The following ALG14 variants were observed in gnomAD, a reference collection of about 807,000 sequenced individuals.
ALG14 encodes ALG14 UDP-N-acetylglucosaminyltransferase subunit, also known as UDP-N-acetylglucosamine transferase subunit ALG14.
Under a neutral mutation model 22.8 loss-of-function variants are expected in ALG14, and 17 were observed. That is an observed-to-expected ratio of 0.75 (90% CI 0.51 to 1.12). The LOEUF (loss-of-function observed/expected upper bound fraction) is 1.12. ALG14 is among the 50% of genes most tolerant of loss of function. The pLI is 0.00. For synonymous variants in ALG14, 89 were observed against 103.7 expected (o/e 0.86, Z 0.86); for missense variants, 288 against 271.8 (o/e 1.06, Z -0.42).
chr1:95,072,637 A>C (rs1675604532), intron 1 of ALG14, 126 bp downstream of exon 1: 1 of 1,376,838 alleles, frequency 7.3e-7, no homozygotes, highest in South Asian at 1.5e-5. Context: ...GGCAAGGCAG[A>C]GAAACTACAA....
At chr1:95,055,400 A>T (rs1674890923) in intron 2 of ALG14, among the ~76,000 whole-genome samples, 1 of 152,170 alleles carries the variant, frequency 6.6e-6, no homozygotes, top group African/African-American at 2.4e-5. Flanking sequence ...GGAAAATGTC[A>T]CTAAAAGATA....
chr1:95,041,750 G>A (rs1674387890), intron 2 of ALG14: 1 of 152,162 alleles, frequency 6.6e-6, no homozygotes, highest in African/African-American at 2.4e-5. Flanking sequence ...TCCACTGTGC[G>A]AAGTTAGCAC....
chr1:94,988,537 A>G (rs1326452849), intron 3 of ALG14, among the ~76,000 whole-genome samples: 5 of 152,130 alleles, frequency 3.3e-5, no homozygotes, highest in African/African-American at 1.2e-4. Context: ...ATGCTGTGGG[A>G]GAGGGGAGCT....
chr1:95,015,195 G>A (rs1031843411), intron 3 of ALG14, among the ~76,000 whole-genome samples: 10 of 152,178 alleles, frequency 6.6e-5, no homozygotes, highest in African/African-American at 9.7e-5. Flanking sequence ...AGCTGAGGAC[G>A]AGATATTTAA....
chr1:95,025,271 G>A (rs775050462), intron 3 of ALG14, among the ~76,000 whole-genome samples: 6 of 152,188 alleles, frequency 3.9e-5, no homozygotes, highest in Non-Finnish European at 7.3e-5. Context: ...TTGAAAGGAA[G>A]CTTTGTCTCT....
At chr1:95,034,243 C>T (rs1296357602) in intron 2 of ALG14, among the ~76,000 whole-genome samples, 1 of 152,220 alleles carries the variant, frequency 6.6e-6, no homozygotes, top group African/African-American at 2.4e-5. Context: ...ACCACACTGT[C>T]TTGTTTTACC....
intron 2 of ALG14, among the ~76,000 whole-genome samples, chr1:95,047,542 C>T (rs980596222): frequency 3.3e-5 from 5 of 152,114 alleles, no homozygotes; most frequent in African/African-American, 7.2e-5. Flanking sequence ...CGGGGTTTCA[C>T]CATGTTGGCC....
chr1:95,062,939 C>A (rs972990878), intron 2 of ALG14, among the ~76,000 whole-genome samples: 37 of 152,186 alleles, frequency 2.4e-4, no homozygotes, highest in African/African-American at 8.9e-4. Context: ...ATTCCTTTTT[C>A]TCCACAACCT....
At chr1:95,024,272 C>T (rs571875071) in intron 3 of ALG14, among the ~76,000 whole-genome samples, 3 of 152,230 alleles carry the variant, frequency 2.0e-5, no homozygotes, top group East Asian at 3.9e-4. Context: ...CGACCGCGCC[C>T]GGCCTTTTAA....
rs539026335 is a variant in ALG14, at chr1:94,988,923, G to A, written c.421-5617C>T. 8.4e-4 allele frequency among the ~76,000 whole-genome samples: 128 copies of A among 152,084 alleles called. 1 individual carries two copies. The highest frequency in any genetic ancestry group is 3.2e-3 in the Admixed American group (49 of 15,274). ...TTTGGTGTATTCTCTTCTAACTTAC[G>A]TCTTTGTATATATTTATACTCTAAT... On this transcript the variant is annotated intron_variant, in intron 3 of 3. Transcript: ENST00000370205.
At chr1:94,992,098 T>A (rs545562823) in intron 3 of ALG14, among the ~76,000 whole-genome samples, 89 of 152,200 alleles carry the variant, frequency 5.8e-4, no homozygotes, top group Non-Finnish European at 5.6e-4. Flanking sequence ...CTTTTTTTTT[T>A]AAATAAGTAG....
At chr1:95,060,198 C>T (rs1156954174) in intron 2 of ALG14, among the ~76,000 whole-genome samples, 2 of 151,260 alleles carry the variant, frequency 1.3e-5, no homozygotes, top group Non-Finnish European at 2.9e-5. Flanking sequence ...CCAGTGGTGG[C>T]CAGCAGAAAT....
At position 94,981,808 on chromosome 1, in the gene ALG14, C is replaced by T. The variant is rs970069701; in HGVS notation, c.*1268G>A. ...ACTATTGTACTTCTATTCCAGTAGA[C>T]ATGGCACCACTAGAAACACAGTCTC... On this transcript the variant is annotated 3_prime_UTR_variant, in exon 4 of 4. Coordinates refer to ENST00000370205, the MANE Select transcript of ALG14 (RefSeq NM_144988.4). 2 of 151,610 alleles carry T rather than the reference C, an allele frequency of 1.3e-5. No homozygotes were observed. Among genetic ancestry groups the T allele is most frequent in the African/African-American group, 4.8e-5 (2 of 41,238 alleles). The allele number at this position is 151,610 out of a possible 1,614,324, so 9.4% of individuals were successfully genotyped here. A position where few individuals can be genotyped will look rare whatever the true frequency, so the allele number is the denominator to read the frequency against.
In ALG14 at chr1:94,982,965, T is replaced by C; in HGVS notation, c.*111A>G. ...ATTTTTTATTCCTTACCATCAATAA[T>C]TCTCAGGACTGTCAGACGCCTTTAC... On this transcript the variant is annotated 3_prime_UTR_variant, in exon 4 of 4. Coordinates refer to ENST00000370205, the MANE Select transcript of ALG14 (RefSeq NM_144988.4). 1 of 823,656 alleles carries C rather than the reference T, an allele frequency of 1.2e-6. No individual in the cohort carries two copies. The highest frequency in any genetic ancestry group is 1.9e-6 in the Non-Finnish European group (1 of 514,392). The allele number at this position is 823,656 out of a possible 1,614,324, so 51.0% of individuals were successfully genotyped here.
chr1:95,056,246 T>C (rs1674929991), intron 2 of ALG14, among the ~76,000 whole-genome samples: 1 of 152,194 alleles, frequency 6.6e-6, no homozygotes, highest in Non-Finnish European at 1.5e-5. Context: ...GACTGCTGAA[T>C]AAATGGTGCT....
chr1:95,065,078 C>T (rs1675310171), intron 1 of ALG14, 61 bp from the exon 2 acceptor site: 2 of 1,439,982 alleles, frequency 1.4e-6, no homozygotes, highest in Non-Finnish European at 1.9e-6. Flanking sequence ...TCCATTTGAC[C>T]ATGTTATACC....
At chr1:95,071,902 A>T (rs1675579040) in intron 1 of ALG14, among the ~76,000 whole-genome samples, 1 of 152,106 alleles carries the variant, frequency 6.6e-6, no homozygotes, top group South Asian at 2.1e-4. Flanking sequence ...ATTTTCTGTT[A>T]GTTTTTTTGT....
intron 3 of ALG14, among the ~76,000 whole-genome samples, chr1:95,021,987 T>C (rs186822425): frequency 4.0e-4 from 61 of 152,284 alleles, no homozygotes; most frequent in Non-Finnish European, 6.8e-4. Context: ...AAAATGAGCC[T>C]GTGATGGGCT....
chr1:94,988,278 CA>C (rs1672690824), intron 3 of ALG14, among the ~76,000 whole-genome samples: 1 of 152,102 alleles, frequency 6.6e-6, no homozygotes, highest in African/African-American at 2.4e-5. Context: ...GAACAGGAAG[CA>C]AAGTCAGGAA....
Sources: allele counts gnomAD v4.1 joint callset (sites outside exome capture counted in the v4.1 genomes callset), GRCh38; gene constraint gnomAD v4.1.1; transcripts MANE v1.5; gene names NCBI Gene and HGNC (gene_info 2026-07-23, HGNC 2026-07-21).